Variants in STXBP5L observed in about 807,000 individuals in gnomAD.
The protein encoded by STXBP5L is syntaxin-binding protein 5-like.
STXBP5L carries 65 observed loss-of-function variants against 144.5 expected under a neutral mutation model. The ratio of observed to expected loss-of-function variants is 0.45; its 90% CI spans 0.37 to 0.55. The LOEUF (loss-of-function observed/expected upper bound fraction) is 0.55, where lower values mean the gene tolerates loss of function less well. STXBP5L is among the 20% of genes least tolerant of loss of function. The probability of loss-of-function intolerance (pLI) is 0.00; values close to 1 mark genes in which losing one functional copy is unlikely to be tolerated. For missense variants in STXBP5L, 1,298 were observed against 1,405.5 expected (o/e 0.92, Z 1.22); for synonymous variants, 505 against 469.6 (o/e 1.08, Z -0.97).
chr3:121,051,579 T>G (rs542211273), intron 5 of STXBP5L, among the ~76,000 whole-genome samples: 2 of 152,168 alleles, frequency 1.3e-5, no homozygotes, highest in South Asian at 4.1e-4. Context: ...TGGGACACAT[T>G]CAAAGCAGTG....
chr3:121,161,322 T>G (rs1259447290), intron 9 of STXBP5L, among the ~76,000 whole-genome samples: 1 of 151,536 alleles, frequency 6.6e-6, no homozygotes, highest in Non-Finnish European at 1.5e-5. Context: ...TGGGCATGTG[T>G]GTTTTGGTTT....
intron 20 of STXBP5L, among the ~76,000 whole-genome samples, chr3:121,329,393 A>G (rs2044252150): frequency 6.6e-6 from 1 of 152,218 alleles, no homozygotes; most frequent in South Asian, 2.1e-4. Flanking sequence ...GAACTAGTTA[A>G]TTACTCATTA....
intron 3 of STXBP5L, among the ~76,000 whole-genome samples, chr3:120,971,162 G>C (rs1480624451): frequency 2.6e-5 from 4 of 152,088 alleles, no homozygotes; most frequent in African/African-American, 9.7e-5. Flanking sequence ...TTAGAAATTT[G>C]GGCCTTCCTG....
rs140173247 is a variant in STXBP5L, at chr3:121,149,010, G to A, written c.670-3467G>A. Among the ~76,000 whole-genome samples, 461 of 152,208 alleles carry A rather than the reference G, an allele frequency of 3.0e-3. 3 individuals carry two copies. The highest frequency in any genetic ancestry group is 0.01 in the African/African-American group (430 of 41,564). ...CCTGTCTAATTCGAAACAGGTAACA[G>A]TAGCCTATGGTGTTAGAAGTCAGGA... On this transcript the variant is annotated intron_variant, in intron 7 of 26. Coordinates refer to ENST00000471454, the MANE Select transcript of STXBP5L (RefSeq NM_001308330.2).
intron 3 of STXBP5L, among the ~76,000 whole-genome samples, chr3:121,002,097 A>G (rs1452682349): frequency 6.6e-6 from 1 of 152,186 alleles, no homozygotes; most frequent in South Asian, 2.1e-4. Context: ...ACTGGATCAT[A>G]TAGTATTTTT....
intron 3 of STXBP5L, among the ~76,000 whole-genome samples, chr3:121,039,523 C>T (rs181623835): frequency 3.3e-5 from 5 of 151,872 alleles, no homozygotes; most frequent in Non-Finnish European, 4.4e-5. Context: ...ATATATTTAT[C>T]ATTTTAAATG....
chr3:121,364,564 A>G (rs1342935096), intron 20 of STXBP5L, among the ~76,000 whole-genome samples: 1 of 151,424 alleles, frequency 6.6e-6, no homozygotes, highest in East Asian at 1.9e-4. Flanking sequence ...TAACAATATT[A>G]AGTCCTCTAA....
intron 20 of STXBP5L, among the ~76,000 whole-genome samples, chr3:121,366,141 A>G (rs982777287): frequency 1.3e-5 from 2 of 151,972 alleles, no homozygotes; most frequent in Non-Finnish European, 2.9e-5. Context: ...TATGGCATCT[A>G]TCTTTTTAAG....
chr3:121,306,312 G>A (rs1365904199), intron 19 of STXBP5L, among the ~76,000 whole-genome samples: 2 of 151,324 alleles, frequency 1.3e-5, no homozygotes, highest in Non-Finnish European at 3.0e-5. Context: ...CCAAATTCCT[G>A]GGAAGTGTTA....
intron 3 of STXBP5L, among the ~76,000 whole-genome samples, chr3:121,013,970 GCT>G (rs1456559363): frequency 6.6e-6 from 1 of 151,878 alleles, no homozygotes; most frequent in African/African-American, 2.4e-5. Flanking sequence ...TTATTTCTGG[GCT>G]CTCTCTTCTG....
intron 20 of STXBP5L, among the ~76,000 whole-genome samples, chr3:121,337,294 C>A (rs1415183508): frequency 1.3e-5 from 2 of 151,958 alleles, no homozygotes; most frequent in African/African-American, 2.4e-5. Context: ...AATATCAGCT[C>A]TCTTCAAGAG....
chr3:121,279,611 T>C (rs1029804846), intron 18 of STXBP5L, among the ~76,000 whole-genome samples, 194 bp from the exon 19 acceptor site: 2 of 151,840 alleles, frequency 1.3e-5, no homozygotes, highest in African/African-American at 2.4e-5. Flanking sequence ...TTTTTTGTGG[T>C]AAATTGTATG....
intron 14 of STXBP5L, among the ~76,000 whole-genome samples, chr3:121,243,302 T>C (rs1415084635): frequency 1.3e-5 from 2 of 152,002 alleles, no homozygotes; most frequent in African/African-American, 4.8e-5. Flanking sequence ...AGCAGCAAGA[T>C]ACTACAAGTT....
intron 2 of STXBP5L, among the ~76,000 whole-genome samples, chr3:120,917,699 G>C (rs1252734192): frequency 6.6e-6 from 1 of 152,064 alleles, no homozygotes; most frequent in Non-Finnish European, 1.5e-5. Flanking sequence ...CAAGACCCCT[G>C]TCTCTAAGAT....
intron 9 of STXBP5L, among the ~76,000 whole-genome samples, chr3:121,169,487 G>T (rs2046626255): frequency 6.6e-6 from 1 of 152,056 alleles, no homozygotes; most frequent in Admixed American, 6.6e-5. Flanking sequence ...ATAAAGGGAT[G>T]GAGGAATATT....
At chr3:121,397,635 C>A (rs781433696) in intron 22 of STXBP5L, among the ~76,000 whole-genome samples, 1 of 152,110 alleles carries the variant, frequency 6.6e-6, no homozygotes, top group Non-Finnish European at 1.5e-5. Flanking sequence ...TTTTTCTAGT[C>A]CCATACCAGG....
intron 2 of STXBP5L, among the ~76,000 whole-genome samples, chr3:120,948,704 T>C (rs954306424): frequency 6.6e-6 from 1 of 151,984 alleles, no homozygotes; most frequent in Non-Finnish European, 1.5e-5. Flanking sequence ...GGTCTCCAAC[T>C]CCACCCAGGT....
At chr3:121,033,724 G>A (rs1256692997) in intron 3 of STXBP5L, among the ~76,000 whole-genome samples, 1 of 151,668 alleles carries the variant, frequency 6.6e-6, no homozygotes, top group African/African-American at 2.4e-5. Flanking sequence ...ATTCTTATAA[G>A]TAAGAACTTT....
intron 3 of STXBP5L, among the ~76,000 whole-genome samples, chr3:120,976,170 G>A (rs570806894): frequency 6.6e-6 from 1 of 152,238 alleles, no homozygotes; most frequent in East Asian, 1.9e-4. Flanking sequence ...AATCCATCTG[G>A]TCCTGGACTC....
Sources: gnomAD v4.1 joint callset for allele counts (sites outside exome capture counted in the v4.1 genomes callset) on GRCh38, gnomAD v4.1.1 for gene constraint, MANE v1.5 for transcripts, NCBI Gene and HGNC (gene_info 2026-07-23, HGNC 2026-07-21) for gene names.